ERI3: variants seen among roughly 807,000 people sequenced by gnomAD.
ERI3 encodes the protein ERI1 exoribonuclease family member 3.
In ERI3, 18 loss-of-function variants were observed where a neutral mutation model predicts 44.4. The ratio of observed to expected loss-of-function variants is 0.41; its 90% confidence interval spans 0.28 to 0.60. ERI3 has a LOEUF of 0.60. Ranked by LOEUF, ERI3 falls within the 20% of genes least tolerant of loss-of-function variation. ERI3 has a pLI of 0.36. For synonymous variants in ERI3, 183 were observed against 164.8 expected, an observed-to-expected ratio of 1.11 and a Z score of -0.84; for missense variants, 294 against 435.5, an observed-to-expected ratio of 0.68 and a Z score of 2.89.
At chr1:44,334,033 G>A (rs185697185) in intron 3 of ERI3, among the ~76,000 whole-genome samples, 28 of 152,334 alleles carry the variant, frequency 1.8e-4, no homozygotes, top group African/African-American at 6.7e-4. Context: ...CAGATGAGAA[G>A]GCAAACAGTC....
chr1:44,247,068 A>G (rs933926943), intron 8 of ERI3, among the ~76,000 whole-genome samples: 8 of 152,080 alleles, frequency 5.3e-5, no homozygotes, highest in African/African-American at 1.9e-4. Context: ...GATATACAGA[A>G]CTGAACAGAC....
chr1:44,260,033 T>C (rs1360481172), intron 7 of ERI3, among the ~76,000 whole-genome samples: 2 of 152,038 alleles, frequency 1.3e-5, no homozygotes, highest in African/African-American at 4.8e-5. Flanking sequence ...AGATAATAGA[T>C]CCTTCTAGAT....
chr1:44,255,989 C>G (rs1242432999), intron 7 of ERI3, among the ~76,000 whole-genome samples: 1 of 152,140 alleles, frequency 6.6e-6, no homozygotes, highest in African/African-American at 2.4e-5. Context: ...CTGGCTCATC[C>G]CTCCTTTAAA....
At chr1:44,321,531 C>G (rs1418364488) in intron 3 of ERI3, among the ~76,000 whole-genome samples, 1 of 152,146 alleles carries the variant, frequency 6.6e-6, no homozygotes, top group African/African-American at 2.4e-5. Flanking sequence ...ATCGAACACA[C>G]ACCAAAAAAA....
rs74070454 is a variant in ERI3 at position 44,229,928 on chromosome 1, C to T, written c.932-8288G>A. ...GGGACCACAGGACAAAGACCACATC[C>T]ATGTCCCCACAGCCATGGCAACCCT... On this transcript the variant is annotated intron_variant, in intron 8 of 8. Coordinates refer to ENST00000372257, the MANE Select transcript of ERI3 (RefSeq NM_024066.3). Among the ~76,000 whole-genome samples, 466 of 152,288 alleles carry T rather than the reference C, an allele frequency of 3.1e-3. 3 individuals carry two copies. The highest frequency in any genetic ancestry group is 0.011 in the African/African-American group (444 of 41,546).
chr1:44,347,430 C>A (rs1285943669), intron 2 of ERI3, among the ~76,000 whole-genome samples: 1 of 152,178 alleles, frequency 6.6e-6, no homozygotes, highest in Admixed American at 6.5e-5. Flanking sequence ...AGGGTTATAA[C>A]CAATTCTTAC....
At chr1:44,270,291 G>T (rs575286149) in intron 7 of ERI3, among the ~76,000 whole-genome samples, 2 of 152,146 alleles carry the variant, frequency 1.3e-5, no homozygotes, top group South Asian at 4.1e-4. Flanking sequence ...CTTTTCTACA[G>T]TATTTATGCC....
At chr1:44,249,044 T>C (rs1375715978) in intron 7 of ERI3, among the ~76,000 whole-genome samples, 2 of 152,100 alleles carry the variant, frequency 1.3e-5, no homozygotes, top group African/African-American at 4.8e-5. Context: ...AGACTTAACA[T>C]AGGTTAGATC....
At chr1:44,324,010 G>C (rs1445285762) in intron 3 of ERI3, among the ~76,000 whole-genome samples, 2 of 152,208 alleles carry the variant, frequency 1.3e-5, no homozygotes, top group Admixed American at 6.5e-5. Flanking sequence ...TCTCCAGGCA[G>C]AAAAGTTCTA....
rs572694429 is a variant in ERI3, at chr1:44,355,239, G to A, written c.-213C>T. ...TGAACAGCGGCAGCCAGCACCACGA[G>A]TCCACAACACACCGACTCACCTCCG... On this transcript the variant is annotated 5_prime_UTR_variant, in exon 1 of 9. Coordinates refer to ENST00000372257, the MANE Select transcript of ERI3 (RefSeq NM_024066.3). The A allele has an allele frequency of 7.4e-4, 877 of 1,179,280 alleles. 1 individual carries two copies. Among genetic ancestry groups the A allele is most frequent in the Middle Eastern group, 1.4e-3 (4 of 2,920 alleles). 73.1% of individuals were successfully genotyped at this position (1,179,280 alleles called of 1,614,324 possible).
chr1:44,342,184 T>C (rs534350888), intron 2 of ERI3, among the ~76,000 whole-genome samples: 11 of 151,852 alleles, frequency 7.2e-5, no homozygotes, highest in Admixed American at 1.3e-4. Context: ...CCAGGCAGGG[T>C]GAGGAAGACA....
chr1:44,266,219 A>G (rs371571660), intron 7 of ERI3, among the ~76,000 whole-genome samples: 3 of 152,328 alleles, frequency 2.0e-5, no homozygotes, highest in African/African-American at 7.2e-5. Context: ...GGAAACTGGA[A>G]AAGTCTTCAC....
chr1:44,354,868 G>A, intron 1 of ERI3, 24 bp downstream of exon 1: 1 of 1,314,852 alleles, frequency 7.6e-7, no homozygotes, highest in South Asian at 3.1e-5. Flanking sequence ...CCCAATCTTG[G>A]CGGGGCCATT....
At chr1:44,293,274 G>A (rs895125924) in intron 6 of ERI3, among the ~76,000 whole-genome samples, 24 of 152,382 alleles carry the variant, frequency 1.6e-4, no homozygotes, top group East Asian at 9.6e-4. Flanking sequence ...TGATGCTGGA[G>A]GGAGCTGGCT....
chr1:44,323,745 C>T (rs1288685665), intron 3 of ERI3, among the ~76,000 whole-genome samples: 2 of 152,226 alleles, frequency 1.3e-5, no homozygotes, highest in Non-Finnish European at 2.9e-5. Context: ...ATAGTCATCC[C>T]TATTTCACAA....
chr1:44,257,466 G>A (rs1644804698), intron 7 of ERI3, among the ~76,000 whole-genome samples: 1 of 152,206 alleles, frequency 6.6e-6, no homozygotes. Context: ...ACAGTCCAGG[G>A]TGCTGGTCCA....
At chr1:44,319,785 G>A in intron 3 of ERI3, 41 bp from the exon 4 acceptor site, 2 of 1,406,408 alleles carry the variant, frequency 1.4e-6, no homozygotes, top group Non-Finnish European at 2.0e-6. Context: ...ATAAGTTATT[G>A]TAATCAACCA....
intron 7 of ERI3, among the ~76,000 whole-genome samples, chr1:44,262,136 T>C (rs1572139587): frequency 6.6e-6 from 1 of 152,122 alleles, no homozygotes; most frequent in African/African-American, 2.4e-5. Context: ...AGTTGGTCCA[T>C]GTCTCCATAT....
Position 44,252,503 on chromosome 1 carries a change from C to T in ERI3, c.832-4465G>A, listed in dbSNP as rs998906445. Among the ~76,000 whole-genome samples, 1 of 152,230 alleles carries T rather than the reference C, an allele frequency of 6.6e-6. No homozygotes were observed. Among genetic ancestry groups the T allele is most frequent in the Admixed American group, 6.5e-5 (1 of 15,294 alleles). On this transcript the variant is annotated intron_variant, in intron 7 of 8. Transcript: ENST00000372257. The surrounding 1 kb of genome is among the most constrained non-coding windows in gnomAD (Gnocchi z 4.7). ...CGCCTTTAATATTCTGACACCTCAG[C>T]GCAGCCTGCTATTACATGCAAACAC...
Sources: allele counts gnomAD v4.1 joint callset (sites outside exome capture counted in the v4.1 genomes callset), GRCh38; gene constraint gnomAD v4.1.1; non-coding constraint Gnocchi (gnomAD v3.1); transcripts MANE v1.5; gene names NCBI Gene and HGNC (gene_info 2026-07-23, HGNC 2026-07-21).